Variants in SLIT2 observed in about 807,000 individuals in gnomAD.
SLIT2 encodes the protein slit homolog 2 protein.
A neutral mutation model predicts 185.7 loss-of-function variants in SLIT2; 41 were observed. That is an observed-to-expected ratio of 0.22 (90% CI 0.17 to 0.29). The LOEUF is 0.29. Among genes scored for constraint, SLIT2 ranks in the 10% least tolerant of loss-of-function variants. The pLI is 1.00. For missense variants in SLIT2, 1,571 were observed against 1,909.0 expected (o/e 0.82, Z 3.30); for synonymous variants, 693 against 680.2 (o/e 1.02, Z -0.29).
chr4:20,398,639 A>G (rs1172657535), intron 4 of SLIT2, among the ~76,000 whole-genome samples: 3 of 151,714 alleles, frequency 2.0e-5, no homozygotes, highest in African/African-American at 4.8e-5. Flanking sequence ...TTACTCAGTC[A>G]TGTATTGTTT....
chr4:20,614,599 G>A (rs1729499672), intron 34 of SLIT2, among the ~76,000 whole-genome samples: 1 of 151,686 alleles, frequency 6.6e-6, no homozygotes, highest in Admixed American at 6.6e-5. Context: ...CCAATATGGA[G>A]AAACCTGGTC....
At chr4:20,548,790 C>T (rs1424504934) in intron 23 of SLIT2, among the ~76,000 whole-genome samples, 1 of 151,900 alleles carries the variant, frequency 6.6e-6, no homozygotes, top group Admixed American at 6.6e-5. Context: ...TAGGGGAGAT[C>T]CCTAAGATAG....
intron 4 of SLIT2, among the ~76,000 whole-genome samples, chr4:20,429,793 A>G (rs1191773332): frequency 6.6e-6 from 1 of 152,194 alleles, no homozygotes; most frequent in Non-Finnish European, 1.5e-5. Flanking sequence ...TATCTGAGTA[A>G]CAGAAATAGC....
At chr4:20,501,812 C>T (rs1470219922) in intron 9 of SLIT2, among the ~76,000 whole-genome samples, 2 of 151,934 alleles carry the variant, frequency 1.3e-5, no homozygotes, top group African/African-American at 4.8e-5. Flanking sequence ...TCTTGAGCAG[C>T]CTTTAATTGT....
chr4:20,252,299 C>G lies in SLIT2; in HGVS notation c.-1517C>G, dbSNP rs777419659. Among the ~76,000 whole-genome samples, 18 of 152,156 alleles carry G rather than the reference C, an allele frequency of 1.2e-4. No individual in the cohort carries two copies. Among genetic ancestry groups the G allele is most frequent in the Non-Finnish European group, 1.6e-4 (11 of 68,032 alleles). On this transcript the variant is annotated 5_prime_UTR_variant, in exon 1 of 37. Transcript: ENST00000504154. ...TTGTTTAGACACTTGCCAGGGGCTC[C>G]GGAGTCGGCAGAGCCACCGAGTCCC...
intron 4 of SLIT2, among the ~76,000 whole-genome samples, chr4:20,313,223 A>T (rs1718278358): frequency 6.6e-6 from 1 of 152,252 alleles, no homozygotes; most frequent in Non-Finnish European, 1.5e-5. Flanking sequence ...CTGTAACAGA[A>T]GTATGGCACT....
At position 20,538,096 on chromosome 4, in the gene SLIT2, A is replaced by G. The variant is rs532231424; in HGVS notation, c.1833-1345A>G. Reference sequence around the variant, plus strand: ...TGCCTCAGCCTCCTGAGTAGCTGGGACTACAGGTGCCCGCCACCACGCTAG... The same window carrying G: ...TGCCTCAGCCTCCTGAGTAGCTGGGGCTACAGGTGCCCGCCACCACGCTAG... On this transcript the variant is annotated intron_variant, in intron 18 of 36. Transcript: ENST00000504154. Among the ~76,000 whole-genome samples, 19 of 152,232 alleles carry G rather than the reference A, an allele frequency of 1.2e-4. No homozygotes were observed. In the East Asian group the frequency reaches 3.1e-3, roughly 25 times the overall value.
chr4:20,514,367 G>GTTTT (rs34767502), intron 11 of SLIT2, among the ~76,000 whole-genome samples: 29 of 152,238 alleles, frequency 1.9e-4, no homozygotes, highest in African/African-American at 6.5e-4. Context: ...TCAGCCAGGC[G>GTTTT]TGGTGGCTCA....
chr4:20,472,938 G>C (rs1715718441), intron 5 of SLIT2, among the ~76,000 whole-genome samples: 1 of 150,872 alleles, frequency 6.6e-6, no homozygotes, highest in Non-Finnish European at 1.5e-5. Flanking sequence ...AAAGAAAAAA[G>C]GTACAAATAT....
intron 11 of SLIT2, among the ~76,000 whole-genome samples, chr4:20,511,638 C>G (rs1176282765): frequency 2.2e-5 from 3 of 136,816 alleles, no homozygotes; most frequent in African/African-American, 8.3e-5. Context: ...CAATGTTAGC[C>G]AGGATGGTCT....
At chr4:20,535,484 G>A (rs796274709) in intron 18 of SLIT2, among the ~76,000 whole-genome samples, 10 of 152,158 alleles carry the variant, frequency 6.6e-5, no homozygotes, top group African/African-American at 2.4e-4. Context: ...ACCTTCTCCT[G>A]GCAGGGAAGT....
chr4:20,514,103 A>T (rs1156497709), intron 11 of SLIT2, among the ~76,000 whole-genome samples: 1 of 152,136 alleles, frequency 6.6e-6, no homozygotes, highest in Non-Finnish European at 1.5e-5. Context: ...TCCAGAAGGG[A>T]GCAGAGTACT....
intron 5 of SLIT2, among the ~76,000 whole-genome samples, chr4:20,472,255 G>GATATATATCTATATATCTATAT (rs1191025385): frequency 4.6e-5 from 1 of 21,898 alleles, no homozygotes; most frequent in Admixed American, 1.0e-3. Flanking sequence ...TCTATATATA[G>GATATATATCTATATATCTATAT]ATCTATATAT....
At chr4:20,382,698 G>A (rs1724622756) in intron 4 of SLIT2, among the ~76,000 whole-genome samples, 1 of 152,106 alleles carries the variant, frequency 6.6e-6, no homozygotes, top group African/African-American at 2.4e-5. Context: ...TGAGTTGGAA[G>A]ACTCAATACT....
intron 16 of SLIT2, among the ~76,000 whole-genome samples, chr4:20,530,152 T>A (rs905098055): frequency 2.6e-5 from 4 of 151,986 alleles, no homozygotes; most frequent in Admixed American, 1.3e-4. Context: ...GCTCCAGGAA[T>A]TTTAGAAATG....
At chr4:20,427,736 A>C (rs938094711) in intron 4 of SLIT2, among the ~76,000 whole-genome samples, 1 of 150,834 alleles carries the variant, frequency 6.6e-6, no homozygotes, top group African/African-American at 2.4e-5. Context: ...ATAGTCTTCT[A>C]AAAACTTCCC....
intron 4 of SLIT2, among the ~76,000 whole-genome samples, chr4:20,283,062 A>G (rs911095997): frequency 4.0e-5 from 6 of 151,686 alleles, no homozygotes; most frequent in African/African-American, 7.3e-5. Flanking sequence ...TAGCACCACT[A>G]TTTGCTTTAG....
chr4:20,545,942 G>T (rs1282128027), intron 21 of SLIT2, 89 bp from the exon 22 acceptor site: 4 of 579,178 alleles, frequency 6.9e-6, no homozygotes, highest in African/African-American at 3.9e-5. Flanking sequence ...GGGGTTCCTT[G>T]CCTCAGTTAA....
intron 29 of SLIT2, among the ~76,000 whole-genome samples, chr4:20,572,819 T>C (rs1426328815): frequency 6.6e-6 from 1 of 152,214 alleles, no homozygotes; most frequent in Admixed American, 6.5e-5. Flanking sequence ...TTAAATTCCA[T>C]AAAGTGAACA....
Sources: gnomAD v4.1 joint callset for allele counts (sites outside exome capture counted in the v4.1 genomes callset) on GRCh38, gnomAD v4.1.1 for gene constraint, MANE v1.5 for transcripts, NCBI Gene and HGNC (gene_info 2026-07-23, HGNC 2026-07-21) for gene names.